The following CRTC2 variants were observed in gnomAD, a reference collection of about 807,000 sequenced individuals.
CRTC2 encodes the protein CREB-regulated transcription coactivator 2.
In CRTC2, 25 loss-of-function variants were observed where a neutral mutation model predicts 70.9. The observed-to-expected ratio is 0.35, with a 90% CI of 0.26 to 0.49. The LOEUF (loss-of-function observed/expected upper bound fraction) is 0.49, where lower values mean the gene tolerates loss of function less well. Among genes scored for constraint, CRTC2 ranks in the 20% least tolerant of loss-of-function variants. CRTC2 has a pLI of 0.98. For missense variants in CRTC2, 737 were observed against 882.6 expected, an observed-to-expected ratio of 0.83 and a Z score of 2.09; for synonymous variants, 330 against 364.1, an observed-to-expected ratio of 0.91 and a Z score of 1.07.
intron 1 of CRTC2, 35 bp downstream of exon 1, chr1:153,958,310 C>G (rs1473241475): frequency 1.9e-6 from 3 of 1,602,790 alleles, no homozygotes; most frequent in Non-Finnish European, 2.5e-6. Flanking sequence ...CGTAACTGCT[C>G]AGCTCTGCTC....
chr1:153,952,109 A>T lies in CRTC2; in HGVS notation c.906T>A (p.Ser302Arg). ...TCAAATTGGAGGTACTGTTGCCCCC[A>T]CTCAGGCTAGGGTAGGCTGTCTCTT... ...DPEETAYPSL[S>R]GGNSTSNLTH... The change falls in exon 10 of 14, where the codon AGT becomes AGA. Residue 302 changes from serine to arginine, a missense_variant. This residue lies in a region of CRTC2 where 699 missense variants were observed against 823.7 expected (regional missense o/e 0.85). Coordinates refer to ENST00000368633, the MANE Select transcript of CRTC2 (RefSeq NM_181715.3). 6.2e-7 allele frequency: 1 copy of T among 1,613,592 alleles called. No homozygotes were observed. Among genetic ancestry groups the T allele is most frequent in the Non-Finnish European group, 8.5e-7 (1 of 1,179,848 alleles).
At chr1:153,951,858 G>C in intron 10 of CRTC2, 160 bp downstream of exon 10, 1 of 1,140,064 alleles carries the variant, frequency 8.8e-7, no homozygotes, top group East Asian at 2.5e-5. Flanking sequence ...ACACCTACCA[G>C]TTATCACTGG....
chr1:153,952,416 A>G lies in CRTC2; in HGVS notation c.733T>C (p.Cys245Arg). The change falls in exon 9 of 14, where the codon TGT (cysteine) becomes CGT (arginine). Residue 245 changes from cysteine to arginine, a missense_variant. Transcript: ENST00000368633. Reference sequence around the variant, plus strand: ...ACTTACTTAATTCCAGGGACTTCACAGGACCGAGGTCGGGAAGAGGATGAG... The same window carrying G: ...ACTTACTTAATTCCAGGGACTTCACGGGACCGAGGTCGGGAAGAGGATGAG... ...LSSSSSRPRSCEVPGINIFPS... is the reference protein window; with the variant it reads ...LSSSSSRPRSREVPGINIFPS... The G allele has an allele frequency of 6.2e-7, 1 of 1,614,224 alleles. No homozygotes were observed. Among genetic ancestry groups the G allele is most frequent in the Non-Finnish European group, 8.5e-7 (1 of 1,180,026 alleles).
chr1:153,951,123 TG>T, intron 11 of CRTC2, 136 bp downstream of exon 11: 1 of 949,160 alleles, frequency 1.1e-6, no homozygotes, highest in Non-Finnish European at 1.6e-6. Flanking sequence ...GGATAAAAGA[TG>T]GGGCAGGCGG....
rs1301577402 is a variant in CRTC2, at chr1:153,949,343, C to A, written c.1446G>T (p.Arg482=). ...LDTSKLSTDQ[R]LPPYPYSSPS... ...GGGAGCTGTATGGGTATGGGGGTAA[C>A]CGCTGGTCAGTGGACAGTTTACTGG... Residue 482 remains arginine (R), a synonymous_variant, in exon 12 of 14, where the codon CGG becomes CGT. Transcript: ENST00000368633. The A allele has an allele frequency of 6.2e-7, 1 of 1,613,470 alleles. No homozygotes were observed. The highest frequency in any genetic ancestry group is 8.5e-7 in the Non-Finnish European group (1 of 1,179,844).
chr1:153,950,196 A>C (rs1680248593), intron 11 of CRTC2, among the ~76,000 whole-genome samples: 1 of 152,262 alleles, frequency 6.6e-6, no homozygotes, highest in African/African-American at 2.4e-5. Context: ...TACAGGCATA[A>C]GCCACTGTGC....
chr1:153,952,707 G>A (rs745981936), intron 7 of CRTC2, 72 bp from the exon 8 acceptor site: 278 of 1,606,656 alleles, frequency 1.7e-4, no homozygotes, highest in Middle Eastern at 1.3e-3. Flanking sequence ...AGCAGAAGCA[G>A]GTGGGAAGGA....
Position 153,948,525 on chromosome 1 carries a change from G to C in CRTC2, c.1794C>G (p.His598Gln). 2 of 1,612,896 alleles carry C rather than the reference G, an allele frequency of 1.2e-6. No individual in the cohort carries two copies. Among genetic ancestry groups the C allele is most frequent in the Non-Finnish European group, 8.5e-7 (1 of 1,179,422 alleles). ...GGGTCAAGTTCTGGTGGTTGAAGGT[G>C]TGGGGATCCTGGGGGCCACCCATTG... Reference protein sequence around the residue: ...EGPMGGPQDPHTFNHQNLTHC... With the variant: ...EGPMGGPQDPQTFNHQNLTHC... Residue 598 changes from histidine (H) to glutamine (Q), a missense_variant, in exon 13 of 14, where the codon CAC becomes CAG. His to Gln is a conservative substitution (Grantham distance 24, BLOSUM62 0). Coordinates refer to ENST00000368633, the MANE Select transcript of CRTC2 (RefSeq NM_181715.3).
chr1:153,954,234 C>G, intron 4 of CRTC2, 21 bp downstream of exon 4: 1 of 1,598,914 alleles, frequency 6.3e-7, no homozygotes, highest in South Asian at 1.1e-5. Context: ...GCAGGAGCTT[C>G]TGCCCGCCCT....
chr1:153,955,854 G>C (rs2102121363), intron 1 of CRTC2, among the ~76,000 whole-genome samples: 1 of 152,032 alleles, frequency 6.6e-6, no homozygotes, highest in Middle Eastern at 3.4e-3. Context: ...GCCAGGCAGA[G>C]ACAGATACTC....
intron 4 of CRTC2, among the ~76,000 whole-genome samples, 174 bp from the exon 5 acceptor site, chr1:153,953,780 A>G (rs1680480681): frequency 6.6e-6 from 1 of 152,112 alleles, no homozygotes; most frequent in African/African-American, 2.4e-5. Context: ...TCCCCCAGTC[A>G]ATCTAAGAGA....
Position 153,951,448 on chromosome 1 carries a change from TGGAGGAGGAGGAAGA to T in CRTC2, c.1201_1215del (p.Ser401_Ser405del), listed in dbSNP as rs1008385072. 3 of 1,597,546 alleles carry T rather than the reference TGGAGGAGGAGGAAGA, an allele frequency of 1.9e-6. No homozygotes were observed. Among genetic ancestry groups the T allele is most frequent in the African/African-American group, 2.7e-5 (2 of 73,486 alleles). ...GGGGCGCCCAAAACAGGAGATGAAGTGGAGGAGGAGGAAGAGGAGGAGGAGAGAGCCGGAGCACTG... is the reference window on the plus strand; with the variant it reads ...GGGGCGCCCAAAACAGGAGATGAAGTGGAGGAGGAGAGAGCCGGAGCACTG... On this transcript the variant is annotated inframe_deletion, in exon 11 of 14. Coordinates refer to ENST00000368633, the MANE Select transcript of CRTC2 (RefSeq NM_181715.3).
rs557438572 is a variant in CRTC2, at chr1:153,951,249, G to A, written c.1404+11C>T. On this transcript the variant is annotated intron_variant, in intron 11 of 13. Transcript: ENST00000368633. ...GGGAGACAGACATGCAGGGAAGGCA[G>A]CCACGCATACCTGAGTGATGGAAGA... 88 of 1,613,132 alleles carry A rather than the reference G, an allele frequency of 5.5e-5. No homozygotes were observed. The South Asian group carries it at 8.7e-4, about 16-fold the overall frequency.
At position 153,951,445 on chromosome 1, in the gene CRTC2, A is replaced by C; in HGVS notation, c.1219T>G (p.Ser407Ala). The C allele has an allele frequency of 2.5e-6, 4 of 1,602,696 alleles. No homozygotes were observed. Among genetic ancestry groups the C allele is most frequent in the Non-Finnish European group, 3.4e-6 (4 of 1,174,122 alleles). Residue 407 changes from serine to alanine, a missense_variant, in exon 11 of 14, where the codon TCA (serine) becomes GCA (alanine). By Grantham distance (99) the Ser-to-Ala change is moderately conservative. Coordinates refer to ENST00000368633, the MANE Select transcript of CRTC2 (RefSeq NM_181715.3). ...GAGGGGGCGCCCAAAACAGGAGATG[A>C]AGTGGAGGAGGAGGAAGAGGAGGAG... ...LSSSSSSSST[S>A]SPVLGAPSYP... is the part of the protein sequence containing the mutation.
intron 1 of CRTC2, among the ~76,000 whole-genome samples, 179 bp from the exon 2 acceptor site, chr1:153,955,345 A>C (rs1345333835): frequency 6.6e-6 from 1 of 151,980 alleles, no homozygotes; most frequent in Non-Finnish European, 1.5e-5. Flanking sequence ...AGGCAGGCGG[A>C]TCACAAGGTC....
chr1:153,954,071 T>G (rs933854450), intron 4 of CRTC2, among the ~76,000 whole-genome samples, 184 bp downstream of exon 4: 1 of 152,166 alleles, frequency 6.6e-6, no homozygotes. Flanking sequence ...AGTGTCAACA[T>G]GGCCAAGGCT....
In CRTC2 at chr1:153,952,002, C is replaced by T. The variant is rs771355755; in HGVS notation, c.997+16G>A. ...AGGCAGCACCCAGTGGGCACATGGC[C>T]AGGACAGTCACTCACCTGGTGCATC... On this transcript the variant is annotated intron_variant, in intron 10 of 13. Transcript: ENST00000368633. 2.9e-5 allele frequency: 46 copies of T among 1,608,880 alleles called. No homozygotes were observed. The highest frequency in any genetic ancestry group is 3.8e-5 in the Non-Finnish European group (45 of 1,177,854).
Position 153,951,380 on chromosome 1 carries a change from G to A in CRTC2, c.1284C>T (p.Arg428=), listed in dbSNP as rs759103873. The A allele has an allele frequency of 1.2e-6, 2 of 1,611,816 alleles. No homozygotes were observed. Among genetic ancestry groups the A allele is most frequent in the South Asian group, 2.2e-5 (2 of 90,842 alleles). Residue 428 remains arginine, a synonymous_variant, in exon 11 of 14, where the codon CGC becomes CGT. Transcript: ENST00000368633. ...AACTCAGGGGGCTGAGGGGCACACG[G>A]CGGTGGTGGGGGGAGGCCCCAGGGG... ...ASTPGASPHH[R]RVPLSPLSLL... is the part of the protein sequence containing the mutation.
chr1:153,951,303 T>C lies in CRTC2; in HGVS notation c.1361A>G (p.Gln454Arg), dbSNP rs1680300352. 17 of 1,613,934 alleles carry C rather than the reference T, an allele frequency of 1.1e-5. No homozygotes were observed. Among genetic ancestry groups the C allele is most frequent in the East Asian group, 2.2e-5 (1 of 44,870 alleles). Residue 454 changes from glutamine to arginine, a missense_variant, in exon 11 of 14, where the codon CAG (glutamine) becomes CGG (arginine). Gln to Arg is a conservative substitution (Grantham distance 43). Transcript: ENST00000368633. ...GGTGGGTGACATTGTTGGCGAAAAC[T>C]GTTTGGGCAGCTGCTGTTGGGACCT... ...ARRSQQQLPKQFSPTMSPTLS... is the reference protein window; with the variant it reads ...ARRSQQQLPKRFSPTMSPTLS...
Sources: gnomAD v4.1 joint callset for allele counts (sites outside exome capture counted in the v4.1 genomes callset) on GRCh38, gnomAD v4.1.1 for gene constraint, gnomAD v4.1.1 regional missense constraint, MANE v1.5 for transcripts, NCBI Gene and HGNC (gene_info 2026-07-23, HGNC 2026-07-21) for gene names.